The following WDR3 variants were observed in gnomAD, a reference collection of about 807,000 sequenced individuals.
The protein encoded by WDR3 is WD repeat domain 3.
In WDR3, 81 loss-of-function variants were observed where a neutral mutation model predicts 123.7. That is an observed-to-expected ratio of 0.65 (90% CI 0.55 to 0.79). WDR3 has a LOEUF of 0.79. Ranked by LOEUF, WDR3 falls within the 30% of genes least tolerant of loss-of-function variation. WDR3 has a pLI of 0.00. For synonymous variants in WDR3, 390 were observed against 388.8 expected, an observed-to-expected ratio of 1.00 and a Z score of -0.04; for missense variants, 1,027 against 1,123.2, an observed-to-expected ratio of 0.91 and a Z score of 1.22.
intron 21 of WDR3, 43 bp downstream of exon 21, chr1:117,953,584 C>T (rs750446070): frequency 7.6e-6 from 12 of 1,586,978 alleles, no homozygotes. Flanking sequence ...TTAATAAGAT[C>T]TCAACTTTTT....
intron 12 of WDR3, among the ~76,000 whole-genome samples, chr1:117,946,730 A>G (rs1327331228): frequency 1.3e-5 from 2 of 152,038 alleles, no homozygotes; most frequent in African/African-American, 4.8e-5. Flanking sequence ...TCACAAGGTC[A>G]GGAGATCGAG....
rs188542351 is a variant in WDR3 at position 117,951,755 on chromosome 1, G to A, written c.1804-221G>A. On this transcript the variant is annotated intron_variant, in intron 16 of 26. Transcript: ENST00000349139. ...GCACAGCACTGCCCTGTGACAGTAC[G>A]AAAGTATTTAAGCCACAGAGTTCGT... Among the ~76,000 whole-genome samples the A allele has an allele frequency of 4.9e-3, 739 of 152,194 alleles. 12 individuals are homozygous for A. The highest frequency in any genetic ancestry group is 3.9e-3 in the Non-Finnish European group (267 of 67,988).
chr1:117,936,976 C>A, intron 4 of WDR3, 89 bp downstream of exon 4: 1 of 1,101,098 alleles, frequency 9.1e-7, no homozygotes, highest in Non-Finnish European at 1.3e-6. Context: ...GAGCAGTGTG[C>A]TCATGCTTAT....
chr1:117,933,702 G>T, intron 2 of WDR3: 1 of 622,364 alleles, frequency 1.6e-6, no homozygotes, highest in South Asian at 1.7e-5. Flanking sequence ...TGAAATAGGA[G>T]CTTATTTCTT....
At chr1:117,948,349 A>G (rs1476939853) in intron 12 of WDR3, 56 bp from the exon 13 acceptor site, 2 of 1,493,002 alleles carry the variant, frequency 1.3e-6, no homozygotes, top group Non-Finnish European at 1.9e-6. Flanking sequence ...GCAGTCATGA[A>G]TCATGGAGGT....
chr1:117,942,612 G>A, intron 10 of WDR3, 68 bp downstream of exon 10: 1 of 1,404,268 alleles, frequency 7.1e-7, no homozygotes, highest in East Asian at 2.3e-5. Flanking sequence ...GCTTTTTCAT[G>A]CTATTTGTAA....
intron 1 of WDR3, among the ~76,000 whole-genome samples, chr1:117,930,739 T>G (rs893948417): frequency 7.2e-5 from 11 of 152,162 alleles, no homozygotes; most frequent in Admixed American, 7.2e-4. Context: ...TCAGGTGGAA[T>G]TGACTAAAGA....
At chr1:117,949,592 C>T (rs1314285782) in intron 13 of WDR3, among the ~76,000 whole-genome samples, 159 bp from the exon 14 acceptor site, 1 of 152,066 alleles carries the variant, frequency 6.6e-6, no homozygotes, top group African/African-American at 2.4e-5. Context: ...GGCAGCAGAC[C>T]CAAAAGATCA....
intron 23 of WDR3, 105 bp from the exon 24 acceptor site, chr1:117,955,210 T>C: frequency 1.1e-6 from 1 of 927,124 alleles, no homozygotes. Context: ...ATACTTTTTC[T>C]GAAGTAAGAA....
chr1:117,959,449 A>G lies in WDR3; in HGVS notation c.*2A>G. The G allele has an allele frequency of 1.3e-6, 2 of 1,597,482 alleles. No individual in the cohort carries two copies. Among genetic ancestry groups the G allele is most frequent in the Non-Finnish European group, 1.7e-6 (2 of 1,174,468 alleles). On this transcript the variant is annotated 3_prime_UTR_variant, in exon 27 of 27. Coordinates refer to ENST00000349139, the MANE Select transcript of WDR3 (RefSeq NM_006784.3). ...AAGTTGATTCTAACGTTGACTTAGA[A>G]CTGAAATGTGGTATCTTTTTTTTTT...
chr1:117,953,068 C>T lies in WDR3; in HGVS notation c.2202+72C>T, dbSNP rs571218268. On this transcript the variant is annotated intron_variant, in intron 20 of 26. Coordinates refer to ENST00000349139, the MANE Select transcript of WDR3 (RefSeq NM_006784.3). Reference sequence around the variant, plus strand: ...TCTTATTGAAATTGACTATAATGTCCAGAATTTCTAATAGAATTAAAATTG... The same window carrying T: ...TCTTATTGAAATTGACTATAATGTCTAGAATTTCTAATAGAATTAAAATTG... 4 of 1,514,302 alleles carry T rather than the reference C, an allele frequency of 2.6e-6. No individual in the cohort carries two copies. In the South Asian group the frequency reaches 4.8e-5, roughly 18 times the overall value. The allele number at this position is 1,514,302 out of a possible 1,614,324, so 93.8% of individuals were successfully genotyped here.
At chr1:117,955,104 C>G in intron 23 of WDR3, 1 of 457,046 alleles carries the variant, frequency 2.2e-6, no homozygotes, top group South Asian at 5.2e-5. Flanking sequence ...GATAAGGAAT[C>G]TGGCTTGACT....
rs184159976 is a variant in WDR3 at position 117,963,400 on chromosome 1, G to A, written c.*3953G>A. On this transcript the variant is annotated 3_prime_UTR_variant, in exon 27 of 27. Transcript: ENST00000349139. ...TTTTTTTGAGACAGAGTCTCGCTCT[G>A]TCTCCCAGGCTGGAGTGCAGTGGCA... is the stretch of plus-strand genomic sequence containing the variant. 965 of 139,110 alleles carry A rather than the reference G, an allele frequency of 6.9e-3. 23 individuals carry two copies. The highest frequency in any genetic ancestry group is 9.3e-3 in the Non-Finnish European group (612 of 65,628). The allele number at this position is 139,110 out of a possible 1,614,324, so 8.6% of individuals were successfully genotyped here.
chr1:117,958,877 C>T, intron 25 of WDR3, 33 bp from the exon 26 acceptor site: 1 of 1,592,170 alleles, frequency 6.3e-7, no homozygotes, highest in Non-Finnish European at 8.6e-7. Flanking sequence ...TAGAACCTCT[C>T]TGCAACATGG....
intron 12 of WDR3, 30 bp downstream of exon 12, chr1:117,946,209 G>C (rs1651374082): frequency 6.4e-7 from 1 of 1,554,498 alleles, no homozygotes; most frequent in Non-Finnish European, 8.8e-7. Context: ...GGGATATCTG[G>C]ATCTTTTCTA....
rs1571063286 is a variant in WDR3, at chr1:117,961,709, C to T, written c.*2262C>T. 1 of 152,040 alleles carries T rather than the reference C, an allele frequency of 6.6e-6. No homozygotes were observed. The highest frequency in any genetic ancestry group is 1.9e-4 in the East Asian group (1 of 5,178). 9.4% of individuals were successfully genotyped at this position (152,040 alleles called of 1,614,324 possible). On this transcript the variant is annotated 3_prime_UTR_variant, in exon 27 of 27. Transcript: ENST00000349139. The stretch of plus-strand genomic sequence containing the variant: ...AGTCTTAATGTTCTTGAGCATAACA[C>T]AATCACTGAAGTGAGTAAGGGATGC...
At chr1:117,942,373 CAAGT>C in intron 9 of WDR3, 60 bp from the exon 10 acceptor site, 1 of 1,446,250 alleles carries the variant, frequency 6.9e-7, no homozygotes, top group Non-Finnish European at 9.6e-7. Flanking sequence ...ATTTTGAACT[CAAGT>C]AAGAGCAAAG....
intron 3 of WDR3, among the ~76,000 whole-genome samples, chr1:117,935,626 T>G (rs1221030183): frequency 1.3e-5 from 2 of 151,944 alleles, no homozygotes; most frequent in Non-Finnish European, 2.9e-5. Flanking sequence ...AATTTTTAAA[T>G]TAAAGCTTTA....
rs371246141 is a variant in WDR3, at chr1:117,941,226, G to C, written c.891+1G>C. Reference sequence around the variant, plus strand: ...GACAGGCAGGATTCTTGCTTGCCATGTGAGTACCATACTTAGGAGAAAATA... The same window carrying C: ...GACAGGCAGGATTCTTGCTTGCCATCTGAGTACCATACTTAGGAGAAAATA... On this transcript the variant is annotated splice_donor_variant, in intron 8 of 26. Transcript: ENST00000349139. LOFTEE classifies it high-confidence loss of function. 9.3e-5 allele frequency: 150 copies of C among 1,613,824 alleles called. No individual in the cohort carries two copies. Among genetic ancestry groups the C allele is most frequent in the Non-Finnish European group, 1.2e-4 (144 of 1,179,856 alleles).
Sources: allele counts gnomAD v4.1 joint callset (sites outside exome capture counted in the v4.1 genomes callset), GRCh38; gene constraint gnomAD v4.1.1; transcripts MANE v1.5; gene names NCBI Gene and HGNC (gene_info 2026-07-23, HGNC 2026-07-21).